Variants in USP54 observed in about 807,000 individuals in gnomAD.
USP54 encodes the protein ubiquitin specific peptidase 54, also known as ubiquitin carboxyl-terminal hydrolase 54.
Under a neutral mutation model 170.5 loss-of-function variants are expected in USP54, and 87 were observed. The ratio of observed to expected loss-of-function variants is 0.51; its 90% CI spans 0.43 to 0.61. USP54 has a LOEUF of 0.61. Among genes scored for constraint, USP54 ranks in the 20% least tolerant of loss-of-function variants. USP54 has a pLI of 0.00. For synonymous variants in USP54, 655 were observed against 742.8 expected, an observed-to-expected ratio of 0.88 and a Z score of 1.92; for missense variants, 1,786 against 2,047.8, an observed-to-expected ratio of 0.87 and a Z score of 2.47.
intron 1 of USP54, among the ~76,000 whole-genome samples, chr10:73,589,544 A>C (rs924293351): frequency 6.6e-6 from 1 of 152,202 alleles, no homozygotes; most frequent in Non-Finnish European, 1.5e-5. Context: ...AATTTTATGA[A>C]TCACTAAGAC....
chr10:73,543,946 C>CTT (rs1162232618), intron 5 of USP54, among the ~76,000 whole-genome samples: 9 of 143,842 alleles, frequency 6.3e-5, no homozygotes, highest in Non-Finnish European at 9.2e-5. Flanking sequence ...ACCACATAAC[C>CTT]TTTTTTTTTT....
chr10:73,586,037 A>T (rs529818357), intron 1 of USP54, among the ~76,000 whole-genome samples: 1 of 152,280 alleles, frequency 6.6e-6, no homozygotes, highest in East Asian at 1.9e-4. Flanking sequence ...ATTCCTAATT[A>T]TAAGATAGAA....
chr10:73,519,139 C>A (rs2061525421), intron 19 of USP54: 1 of 111,610 alleles, frequency 9.0e-6, no homozygotes, highest in Admixed American at 9.4e-5. Context: ...GATCCTGTCT[C>A]CAAAAAAAAA....
chr10:73,516,316 C>T, intron 20 of USP54, 59 bp downstream of exon 20: 1 of 1,532,782 alleles, frequency 6.5e-7, no homozygotes, highest in Non-Finnish European at 8.8e-7. Context: ...TGATCTTTCC[C>T]TGCTTTCAGC....
chr10:73,606,231 CAAT>C (rs946196448), intron 1 of USP54: 1 of 135,330 alleles, frequency 7.4e-6, no homozygotes, highest in African/African-American at 2.8e-5. Flanking sequence ...GGCTGCACAA[CAAT>C]GTGAATGTAT....
intron 4 of USP54, among the ~76,000 whole-genome samples, chr10:73,569,960 G>C (rs1198885801): frequency 8.8e-6 from 1 of 113,762 alleles, no homozygotes; most frequent in Non-Finnish European, 1.8e-5. Flanking sequence ...TAGTAATACT[G>C]GTCAAAAAAA....
intron 19 of USP54, chr10:73,518,228 G>A (rs1386471408): frequency 1.0e-6 from 1 of 985,194 alleles, no homozygotes; most frequent in Non-Finnish European, 1.2e-6. Flanking sequence ...GGAACTATGA[G>A]GCCACATTTA....
intron 11 of USP54, 124 bp downstream of exon 11, chr10:73,536,145 T>C (rs746439912): frequency 3.7e-6 from 5 of 1,368,886 alleles, no homozygotes; most frequent in Non-Finnish European, 5.0e-6. Flanking sequence ...ACTTCTTTCT[T>C]ACCTCTAATG....
At chr10:73,572,548 CA>C (rs1358643367) in intron 3 of USP54, among the ~76,000 whole-genome samples, 1 of 152,170 alleles carries the variant, frequency 6.6e-6, no homozygotes, top group Non-Finnish European at 1.5e-5. Flanking sequence ...TCAAGATACA[CA>C]CTCTAAAAGT....
chr10:73,600,450 A>G (rs914124511), intron 1 of USP54, among the ~76,000 whole-genome samples: 1 of 152,186 alleles, frequency 6.6e-6, no homozygotes, highest in Non-Finnish European at 1.5e-5. Flanking sequence ...ATTTTGGAAG[A>G]TATTGCCATT....
intron 1 of USP54, among the ~76,000 whole-genome samples, chr10:73,610,064 G>C (rs1161271116): frequency 6.6e-6 from 1 of 151,340 alleles, no homozygotes; most frequent in African/African-American, 2.4e-5. Context: ...CGTAATCCCA[G>C]CTACTTGGGA....
At chr10:73,619,168 G>A (rs1011546207) in intron 1 of USP54, among the ~76,000 whole-genome samples, 3 of 150,518 alleles carry the variant, frequency 2.0e-5, no homozygotes, top group South Asian at 2.1e-4. Flanking sequence ...CAGCCTGGGC[G>A]ATGGAGCAAG....
At chr10:73,546,378 G>T (rs1277568880) in intron 4 of USP54, among the ~76,000 whole-genome samples, 1 of 151,956 alleles carries the variant, frequency 6.6e-6, no homozygotes, top group Non-Finnish European at 1.5e-5. Flanking sequence ...TTTGAACAGG[G>T]TCTTGCTTTG....
At chr10:73,527,837 C>CA (rs1015620084) in intron 15 of USP54, among the ~76,000 whole-genome samples, 3,969 of 43,416 alleles carry the variant, frequency 0.091, 140 homozygotes, top group African/African-American at 0.11. Context: ...CCATCGATAC[C>CA]AAAAAAAAAA....
intron 1 of USP54, among the ~76,000 whole-genome samples, chr10:73,604,969 G>A (rs187910003): frequency 3.0e-4 from 46 of 152,210 alleles, no homozygotes; most frequent in African/African-American, 1.0e-3. Flanking sequence ...CCCCACCCAC[G>A]TCCTGCTGAT....
At chr10:73,550,373 T>A (rs1002912834) in intron 4 of USP54, among the ~76,000 whole-genome samples, 1 of 152,228 alleles carries the variant, frequency 6.6e-6, no homozygotes, top group African/African-American at 2.4e-5. Context: ...GTGGATTTTT[T>A]ATCCAAATAC....
chr10:73,510,803 T>C (rs1023169841), intron 20 of USP54, among the ~76,000 whole-genome samples: 13 of 152,276 alleles, frequency 8.5e-5, no homozygotes, highest in African/African-American at 3.1e-4. Context: ...CAAAAGTTAA[T>C]TTTTTATTTT....
intron 4 of USP54, among the ~76,000 whole-genome samples, chr10:73,547,218 A>G (rs1223204659): frequency 1.3e-5 from 2 of 152,148 alleles, no homozygotes; most frequent in African/African-American, 4.8e-5. Context: ...CCTGGGCAAC[A>G]TGGTGAAACC....
chr10:73,613,167 C>G (rs2080298081), intron 1 of USP54, among the ~76,000 whole-genome samples: 1 of 145,076 alleles, frequency 6.9e-6, no homozygotes, highest in Admixed American at 7.0e-5. Flanking sequence ...TGGAGTCTCA[C>G]TCTGTTACGT....
Sources: gnomAD v4.1 joint callset for allele counts (sites outside exome capture counted in the v4.1 genomes callset) on GRCh38, gnomAD v4.1.1 for gene constraint, MANE v1.5 for transcripts, NCBI Gene and HGNC (gene_info 2026-07-23, HGNC 2026-07-21) for gene names.